The following ERBB2 variants were observed in gnomAD, a reference collection of about 807,000 sequenced individuals.
The protein encoded by ERBB2 is receptor tyrosine-protein kinase erbB-2.
In ERBB2, 61 loss-of-function variants were observed where a neutral mutation model predicts 149.0. The ratio of observed to expected loss-of-function variants is 0.41; its 90% CI spans 0.33 to 0.51. The LOEUF (loss-of-function observed/expected upper bound fraction) is 0.51. Ranked by LOEUF, ERBB2 falls within the 20% of genes least tolerant of loss-of-function variation. ERBB2 has a pLI of 0.25. For synonymous variants in ERBB2, 633 were observed against 678.8 expected, an observed-to-expected ratio of 0.93 and a Z score of 1.05; for missense variants, 1,205 against 1,655.1, an observed-to-expected ratio of 0.73 and a Z score of 4.72.
Position 39,727,633 on chromosome 17 carries a change from T to G in ERBB2, c.3413-56T>G, listed in dbSNP as rs930158531. 1.9e-6 allele frequency: 3 copies of G among 1,552,462 alleles called. No individual in the cohort carries two copies. The highest frequency in any genetic ancestry group is 2.8e-5 in the African/African-American group (2 of 71,836). On this transcript the variant is annotated intron_variant, in intron 26 of 26. Coordinates refer to ENST00000269571, the MANE Select transcript of ERBB2 (RefSeq NM_004448.4). The surrounding 1 kb of genome is among the most constrained non-coding windows in gnomAD (Gnocchi z 4.3). ...GGGTCCACTGTGGGGGCAGAGGGAG[T>G]GGCAGAGACACCGGGGTTCCTTCCC...
At chr17:39,716,098 G>T (rs2059108132) in intron 12 of ERBB2, 159 bp downstream of exon 12, 1 of 973,138 alleles carries the variant, frequency 1.0e-6, no homozygotes, top group Non-Finnish European at 1.5e-6. Flanking sequence ...TCTTGGCATG[G>T]CTTCTCTAGC....
rs748701236 is a variant in ERBB2, at chr17:39,710,105, C to A, written c.663C>A (p.Ala221=). Residue 221 remains alanine (A), a synonymous_variant, in exon 6 of 27, where the codon GCC becomes GCA. Transcript: ENST00000269571. ...CAACAGTGACGCGCACTGTCTGTGC[C>A]GGTGGCTGTGCCCGCTGCAAGGGGC... ...DCQSLTRTVC[A]GGCARCKGPL... 6.2e-7 allele frequency: 1 copy of A among 1,609,178 alleles called. No individual in the cohort carries two copies. Among genetic ancestry groups the A allele is most frequent in the Non-Finnish European group, 8.5e-7 (1 of 1,179,258 alleles).
chr17:39,719,312 T>G (rs1235335929), intron 15 of ERBB2, among the ~76,000 whole-genome samples: 1 of 151,836 alleles, frequency 6.6e-6, no homozygotes, highest in Admixed American at 6.6e-5. Context: ...ATATGGATCC[T>G]AGATCCAGAT....
intron 7 of ERBB2, 74 bp downstream of exon 7, chr17:39,710,555 G>T: frequency 6.5e-7 from 1 of 1,537,250 alleles, no homozygotes; most frequent in South Asian, 1.1e-5. Context: ...AGCATATGGG[G>T]AGCACTGTCT....
chr17:39,694,255 ATATATATATATATGTGTG>A (rs2057795620), upstream of ERBB2, among the ~76,000 whole-genome samples: 2 of 28,266 alleles, frequency 7.1e-5, no homozygotes, highest in African/African-American at 9.7e-5. Flanking sequence ...ATATATATAT[ATATATATATATATGTGTG>A]TATATATATA....
At chr17:39,706,962 C>T (rs1336670260) in intron 1 of ERBB2, 28 bp from the exon 2 acceptor site, 1 of 1,535,952 alleles carries the variant, frequency 6.5e-7, no homozygotes, top group South Asian at 1.3e-5. Flanking sequence ...CGCCAGTGTC[C>T]TCTGACCCAT....
Position 39,715,846 on chromosome 17 carries a change from C to A in ERBB2, c.1420C>A (p.Leu474Ile), listed in dbSNP as rs1033535912. Residue 474 changes from leucine to isoleucine, a missense_variant, in exon 12 of 27, where the codon CTC (leucine) becomes ATC (isoleucine). Leu to Ile is a conservative substitution (Grantham distance 5). This residue lies in a region of ERBB2 where 569 missense variants were observed against 803.5 expected (regional missense o/e 0.71). Transcript: ENST00000269571. ...GLALIHHNTH[L>I]CFVHTVPWDQ... is the part of the protein sequence containing the mutation. ...GGCCCTCATCCACCATAACACCCAC[C>A]TCTGCTTCGTGCACACGGTGCCCTG... 1 of 1,612,592 alleles carries A rather than the reference C, an allele frequency of 6.2e-7. No homozygotes were observed. The highest frequency in any genetic ancestry group is 1.1e-5 in the South Asian group (1 of 91,082).
upstream of ERBB2, chr17:39,699,980 T>C (rs528194999): frequency 6.7e-5 from 84 of 1,258,280 alleles, no homozygotes; most frequent in African/African-American, 1.2e-3. Context: ...GGGAGCGCGC[T>C]TGCTCCCAAT....
rs770391447 is a variant in ERBB2, at chr17:39,727,693, T to C, written c.3417T>C (p.Tyr1139=). 1.9e-6 allele frequency: 3 copies of C among 1,549,390 alleles called. No individual in the cohort carries two copies. Among genetic ancestry groups the C allele is most frequent in the Non-Finnish European group, 2.6e-6 (3 of 1,148,972 alleles). ...CACCTTCTCTTGACCTTTCAGAATATGTGAACCAGCCAGATGTTCGGCCCC... is the reference window on the plus strand; with the variant it reads ...CACCTTCTCTTGACCTTTCAGAATACGTGAACCAGCCAGATGTTCGGCCCC... ...APLTCSPQPE[Y]VNQPDVRPQP... Residue 1139 remains tyrosine, a synonymous_variant, in exon 27 of 27, where the codon TAT becomes TAC. Transcript: ENST00000269571. This position sits in a 1 kb window ranked among gnomAD's most constrained non-coding sequence, Gnocchi z 4.3.
chr17:39,708,015 G>A, intron 2 of ERBB2: 1 of 261,752 alleles, frequency 3.8e-6, no homozygotes, highest in Non-Finnish European at 7.2e-6. Context: ...AAAAAAATTT[G>A]CAGACGCCAT....
Position 39,725,920 on chromosome 17 carries a change from G to C in ERBB2, c.2872+67G>C, listed in dbSNP as rs2059731159. On this transcript the variant is annotated intron_variant, in intron 23 of 26. Coordinates refer to ENST00000269571, the MANE Select transcript of ERBB2 (RefSeq NM_004448.4). The surrounding 1 kb of genome is among the most constrained non-coding windows in gnomAD (Gnocchi z 4.6). ...AGGTCCTGGGTGGAGGAGCCCACAAGGGGCATGAAAGGGGACCAGGATGTA... is the reference window on the plus strand; with the variant it reads ...AGGTCCTGGGTGGAGGAGCCCACAACGGGCATGAAAGGGGACCAGGATGTA... 6.4e-7 allele frequency: 1 copy of C among 1,569,260 alleles called. No individual in the cohort carries two copies. The highest frequency in any genetic ancestry group is 1.4e-5 in the African/African-American group (1 of 73,330).
chr17:39,725,036 C>T lies in ERBB2; in HGVS notation c.2494-13C>T, dbSNP rs2145861451. ...CCCTCCCAGAAGGTCTACATGGGTG[C>T]TTCCCATTCCAGGGGATGAGCTACC... is the stretch of plus-strand genomic sequence containing the variant. On this transcript the variant is annotated splice_polypyrimidine_tract_variant and intron_variant, in intron 20 of 26. Transcript: ENST00000269571. The surrounding 1 kb of genome is among the most constrained non-coding windows in gnomAD (Gnocchi z 4.6). 1 of 1,614,070 alleles carries T rather than the reference C, an allele frequency of 6.2e-7. No homozygotes were observed. The highest frequency in any genetic ancestry group is 1.1e-5 in the South Asian group (1 of 91,078).
At chr17:39,694,324 CATAT>C (rs1334389768), upstream of ERBB2, among the ~76,000 whole-genome samples, 106 of 110,862 alleles carry the variant, frequency 9.6e-4, 3 homozygotes, top group African/African-American at 3.6e-3. Flanking sequence ...TACACACACA[CATAT>C]ATATGTGTAT....
rs1462345593 is a variant in ERBB2 at position 39,700,357 on chromosome 17, C to T, written c.73+46C>T. On this transcript the variant is annotated intron_variant, in intron 1 of 26. Coordinates refer to ENST00000269571, the MANE Select transcript of ERBB2 (RefSeq NM_004448.4). Reference sequence around the variant, plus strand: ...GGACGGAGCAGCGGCGGGACCCTGCCCTGTGGATGCCCCGCCGAGGTCCCG... The same window carrying T: ...GGACGGAGCAGCGGCGGGACCCTGCTCTGTGGATGCCCCGCCGAGGTCCCG... 9.5e-6 allele frequency: 12 copies of T among 1,263,048 alleles called. No individual in the cohort carries two copies. In the South Asian group the frequency reaches 2.9e-4, roughly 31 times the overall value. 78.2% of individuals were successfully genotyped at this position (1,263,048 alleles called of 1,614,324 possible).
intron 7 of ERBB2, among the ~76,000 whole-genome samples, chr17:39,711,012 GTC>G: frequency 6.6e-6 from 1 of 152,178 alleles, no homozygotes; most frequent in Admixed American, 6.5e-5. Context: ...CTATTCTCGT[GTC>G]TCAGCCTCCT....
In ERBB2 at chr17:39,717,496, T is replaced by A. The variant is rs2145714241; in HGVS notation, c.1898+16T>A. On this transcript the variant is annotated intron_variant, in intron 15 of 26. Coordinates refer to ENST00000269571, the MANE Select transcript of ERBB2 (RefSeq NM_004448.4). Reference sequence around the variant, plus strand: ...GCACCCACTCGTGAGTCCAACGGTCTTTTCTGCAGAAAGGAGGACTTTCCT... The same window carrying A: ...GCACCCACTCGTGAGTCCAACGGTCATTTCTGCAGAAAGGAGGACTTTCCT... 6.3e-7 allele frequency: 1 copy of A among 1,590,614 alleles called. No homozygotes were observed. Among genetic ancestry groups the A allele is most frequent in the Non-Finnish European group, 8.6e-7 (1 of 1,163,922 alleles).
upstream of ERBB2, among the ~76,000 whole-genome samples, chr17:39,691,585 A>ACACACACC (rs2057703352): frequency 6.9e-6 from 1 of 144,634 alleles, no homozygotes; most frequent in African/African-American, 2.7e-5. Flanking sequence ...ACACACACAC[A>ACACACACC]CACACACACA....
chr17:39,710,254 G>C (rs1478874679), intron 6 of ERBB2, 53 bp downstream of exon 6: 1 of 1,607,714 alleles, frequency 6.2e-7, no homozygotes, highest in Non-Finnish European at 8.5e-7. Flanking sequence ...GATGCAAGGG[G>C]TGGGCACCCT....
Position 39,700,197 on chromosome 17 carries a change from G to A in ERBB2, c.-42G>A, listed in dbSNP as rs969142239. On this transcript the variant is annotated 5_prime_UTR_variant, in exon 1 of 27. Transcript: ENST00000269571. ...CCCCGCGCCCCGCGCCCTCCCAGCC[G>A]GGTCCAGCCGGAGCCATGGGGCCGG... The A allele has an allele frequency of 1.4e-6, 2 of 1,400,026 alleles. No homozygotes were observed. Among genetic ancestry groups the A allele is most frequent in the Non-Finnish European group, 9.2e-7 (1 of 1,082,116 alleles). 86.7% of individuals were successfully genotyped at this position (1,400,026 alleles called of 1,614,324 possible).
Sources: allele counts gnomAD v4.1 joint callset (sites outside exome capture counted in the v4.1 genomes callset), GRCh38; gene constraint gnomAD v4.1.1; regional missense constraint gnomAD v4.1.1; non-coding constraint Gnocchi (gnomAD v3.1); transcripts MANE v1.5; gene names NCBI Gene and HGNC (gene_info 2026-07-23, HGNC 2026-07-21).